Variants in TAB2 observed in about 807,000 individuals in gnomAD.
The protein encoded by TAB2 is TGF-beta activated kinase 1 (MAP3K7) binding protein 2, also known as TGF-beta-activated kinase 1 and MAP3K7-binding protein 2.
TAB2 carries 3 observed loss-of-function variants against 65.0 expected under a neutral mutation model. The observed-to-expected ratio is 0.05, with a 90% CI of 0.02 to 0.12. The LOEUF (loss-of-function observed/expected upper bound fraction) is 0.12. TAB2 is among the 10% of genes least tolerant of loss of function. The pLI, the probability that TAB2 is intolerant of heterozygous loss-of-function variation, is 1.00. For missense variants in TAB2, 623 were observed against 840.3 expected, an observed-to-expected ratio of 0.74 and a Z score of 3.20; for synonymous variants, 298 against 285.1, an observed-to-expected ratio of 1.05 and a Z score of -0.46.
intron 6 of TAB2, among the ~76,000 whole-genome samples, chr6:149,402,258 A>G (rs1782454975): frequency 6.6e-6 from 1 of 152,118 alleles, no homozygotes; most frequent in Non-Finnish European, 1.5e-5. Context: ...TGCCTCAGAA[A>G]TAAAAGGATC....
intron 1 of TAB2, among the ~76,000 whole-genome samples, chr6:149,265,899 G>A (rs542565552): frequency 3.0e-4 from 45 of 152,166 alleles, no homozygotes; most frequent in Non-Finnish European, 4.6e-4. Context: ...GCCCCTGAGC[G>A]AGGAATGTTC....
At chr6:149,360,419 G>C (rs1314504296) in intron 1 of TAB2, among the ~76,000 whole-genome samples, 1 of 152,198 alleles carries the variant, frequency 6.6e-6, no homozygotes, top group Non-Finnish European at 1.5e-5. Context: ...CATGGCAAGA[G>C]CGGAAGCAAG....
chr6:149,301,962 C>T lies in TAB2; in HGVS notation c.-120-76056C>T, dbSNP rs899888499. 6.0e-4 allele frequency among the ~76,000 whole-genome samples: 92 copies of T among 152,100 alleles called. 2 individuals carry two copies. Among genetic ancestry groups the T allele is most frequent in the East Asian group, 5.8e-4 (3 of 5,166 alleles). ...ATATATACAATTTGTAAAATAACTT[C>T]GGTGAAGAGTTATTATAAAATTAAG... On this transcript the variant is annotated intron_variant, in intron 1 of 1. Coordinates refer to the TAB2 transcript ENST00000606202.
At chr6:149,288,215 G>A (rs946444593) in intron 1 of TAB2, among the ~76,000 whole-genome samples, 25 of 152,156 alleles carry the variant, frequency 1.6e-4, no homozygotes, top group Admixed American at 2.0e-4. Flanking sequence ...AATGGTCCTT[G>A]TGTCACTCAG....
chr6:149,296,231 C>T (rs1470839125), intron 1 of TAB2, among the ~76,000 whole-genome samples: 1 of 152,162 alleles, frequency 6.6e-6, no homozygotes, highest in African/African-American at 2.4e-5. Context: ...TTGAACGGAG[C>T]TGGTTGTCTT....
chr6:149,255,646 A>G (rs1238318181), intron 1 of TAB2, among the ~76,000 whole-genome samples: 1 of 152,238 alleles, frequency 6.6e-6, no homozygotes, highest in Non-Finnish European at 1.5e-5. Context: ...TAAATCTAAT[A>G]AATCTGGAAG....
At chr6:149,270,908 T>C (rs1435418960) in intron 1 of TAB2, among the ~76,000 whole-genome samples, 5 of 151,850 alleles carry the variant, frequency 3.3e-5, no homozygotes, top group Admixed American at 3.3e-4. Flanking sequence ...TCTTGAAGAG[T>C]GAGAAGTATT....
At chr6:149,236,752 C>A (rs1281788978) in intron 1 of TAB2, among the ~76,000 whole-genome samples, 1 of 152,122 alleles carries the variant, frequency 6.6e-6, no homozygotes, top group African/African-American at 2.4e-5. Context: ...CTTCCCTAGG[C>A]TACTGTTATT....
Position 149,325,222 on chromosome 6 carries a change from C to G in TAB2, c.-90+7207C>G, listed in dbSNP as rs151001806. Among the ~76,000 whole-genome samples the G allele has an allele frequency of 2.4e-3, 368 of 152,286 alleles. 1 individual carries two copies. Among genetic ancestry groups the G allele is most frequent in the African/African-American group, 6.5e-3 (270 of 41,546 alleles). ...TATGTGATTTTAGACATCATTCACA[C>G]ACTCTGAGCCAAGGAGTTTTCTTCA... On this transcript the variant is annotated intron_variant, in intron 1 of 6. Coordinates refer to ENST00000637181, the MANE Select transcript of TAB2 (RefSeq NM_001292034.3).
chr6:149,290,581 C>T (rs943077964), intron 1 of TAB2, among the ~76,000 whole-genome samples: 6 of 152,134 alleles, frequency 3.9e-5, no homozygotes, highest in African/African-American at 1.4e-4. Context: ...TGGTGGCTCA[C>T]GCCTGTAATA....
chr6:149,283,080 A>G (rs1778604346), intron 1 of TAB2, among the ~76,000 whole-genome samples: 1 of 152,242 alleles, frequency 6.6e-6, no homozygotes, highest in East Asian at 1.9e-4. Context: ...TCAATAAACT[A>G]AATGTTCCTC....
At chr6:149,382,300 C>G (rs965575318) in intron 3 of TAB2, among the ~76,000 whole-genome samples, 1 of 152,148 alleles carries the variant, frequency 6.6e-6, no homozygotes, top group Non-Finnish European at 1.5e-5. Flanking sequence ...GTGGCAGAGT[C>G]AAAATTCTAA....
At chr6:149,354,921 G>C (rs750800645) in intron 1 of TAB2, among the ~76,000 whole-genome samples, 2 of 152,130 alleles carry the variant, frequency 1.3e-5, no homozygotes, top group Non-Finnish European at 2.9e-5. Context: ...ATAGTTTTCT[G>C]TGTGACTGTA....
At chr6:149,265,077 A>T (rs1778232983) in intron 1 of TAB2, among the ~76,000 whole-genome samples, 1 of 150,920 alleles carries the variant, frequency 6.6e-6, no homozygotes, top group Non-Finnish European at 1.5e-5. Flanking sequence ...TCTGATTTAG[A>T]CAAATTTAGT....
In TAB2 at chr6:149,220,743, C is replaced by T. The variant is rs796717951; in HGVS notation, c.-121+1967C>T. Reference sequence around the variant, plus strand: ...GCAATCCTCCCACCTCGGCCTCCCGCGTAGCTGTGACTATAAGCACACACC... The same window carrying T: ...GCAATCCTCCCACCTCGGCCTCCCGTGTAGCTGTGACTATAAGCACACACC... On this transcript the variant is annotated intron_variant, in intron 1 of 1. Transcript: ENST00000606202. 4.6e-5 allele frequency: 7 copies of T among 152,262 alleles called. No homozygotes were observed. In the East Asian group the frequency reaches 9.7e-4, roughly 21 times the overall value. 9.4% of individuals were successfully genotyped at this position (152,262 alleles called of 1,614,324 possible).
At chr6:149,307,291 A>G (rs1360479139) in intron 1 of TAB2, among the ~76,000 whole-genome samples, 1 of 152,234 alleles carries the variant, frequency 6.6e-6, no homozygotes, top group Non-Finnish European at 1.5e-5. Flanking sequence ...AAATTCAACC[A>G]AGATGGGAGA....
rs747757395 is a variant in TAB2 at position 149,379,092 on chromosome 6, G to C, written c.1177G>C (p.Ala393Pro). ...SQPKVYISAN[A>P]ATGDEQVMRN... ...ACCTAAGGTCTATATTTCAGCGAAT[G>C]CTGCCACAGGAGATGAACAGGTCAT... Residue 393 changes from alanine (A) to proline (P), a missense_variant, in exon 3 of 7, where the codon GCT becomes CCT. By Grantham distance (27) the Ala-to-Pro change is conservative. This residue lies in a region of TAB2 where 550 missense variants were observed against 665.7 expected (regional missense o/e 0.83). Coordinates refer to ENST00000637181, the MANE Select transcript of TAB2 (RefSeq NM_001292034.3). 1.2e-6 allele frequency: 2 copies of C among 1,614,128 alleles called. No individual in the cohort carries two copies. Among genetic ancestry groups the C allele is most frequent in the Non-Finnish European group, 1.7e-6 (2 of 1,180,042 alleles).
chr6:149,359,125 C>G (rs1780764206), intron 1 of TAB2, among the ~76,000 whole-genome samples: 1 of 151,878 alleles, frequency 6.6e-6, no homozygotes, highest in Non-Finnish European at 1.5e-5. Flanking sequence ...AATTAATGTT[C>G]CTGATCTTTA....
At chr6:149,296,766 T>C (rs987122853) in intron 1 of TAB2, among the ~76,000 whole-genome samples, 6 of 152,188 alleles carry the variant, frequency 3.9e-5, no homozygotes, top group African/African-American at 1.4e-4. Flanking sequence ...ACTTTTATTT[T>C]AAGGAGGTAA....
Sources: gnomAD v4.1 joint callset for allele counts (sites outside exome capture counted in the v4.1 genomes callset) on GRCh38, gnomAD v4.1.1 for gene constraint, gnomAD v4.1.1 regional missense constraint, MANE v1.5 for transcripts, NCBI Gene and HGNC (gene_info 2026-07-23, HGNC 2026-07-21) for gene names.